Variants in SLC8A1 observed in about 807,000 individuals in gnomAD.
SLC8A1 encodes the protein sodium/calcium exchanger 1.
Under a neutral mutation model 68.3 loss-of-function variants are expected in SLC8A1, and 18 were observed. The observed-to-expected ratio is 0.26, with a 90% CI of 0.18 to 0.39. SLC8A1 has a LOEUF of 0.39. Among genes scored for constraint, SLC8A1 ranks in the 10% least tolerant of loss-of-function variants. The pLI, the probability that SLC8A1 is intolerant of heterozygous loss-of-function variation, is 1.00. For missense variants in SLC8A1, 985 were observed against 1,156.7 expected (o/e 0.85, Z 2.15); for synonymous variants, 475 against 415.5 (o/e 1.14, Z -1.74).
At chr2:40,378,637 C>A (rs1202744202) in intron 2 of SLC8A1, among the ~76,000 whole-genome samples, 4 of 152,046 alleles carry the variant, frequency 2.6e-5, no homozygotes. Context: ...ACAGTTTGTA[C>A]CTTTCCTGTG....
intron 1 of SLC8A1, among the ~76,000 whole-genome samples, chr2:40,432,208 G>T (rs1046572533): frequency 6.6e-6 from 1 of 151,760 alleles, no homozygotes; most frequent in Non-Finnish European, 1.5e-5. Flanking sequence ...TGCTTAATAT[G>T]TATTTTAGAA....
chr2:40,174,822 T>C lies in SLC8A1; in HGVS notation c.1930+3A>G, dbSNP rs1376434494. The stretch of plus-strand genomic sequence containing the variant: ...GATAGCATTAGACTTGAAAAATTCA[T>C]ACCTGTTATTGTGAAGCCACCTAAA... On this transcript the variant is annotated splice_donor_region_variant and intron_variant, in intron 4 of 7. Coordinates refer to ENST00000406785, the Ensembl canonical transcript of SLC8A1. The C allele has an allele frequency of 1.2e-6, 2 of 1,609,392 alleles. No homozygotes were observed. Among genetic ancestry groups the C allele is most frequent in the Non-Finnish European group, 1.7e-6 (2 of 1,176,086 alleles).
chr2:40,102,811 A>G (rs931321258), exon 8 of SLC8A1: 5 of 152,126 alleles, frequency 3.3e-5, no homozygotes, highest in African/African-American at 1.2e-4. Context: ...CAAATCTGAA[A>G]TGGGGGGCAA....
intron 7 of SLC8A1, among the ~76,000 whole-genome samples, chr2:40,118,080 A>G (rs1366691505): frequency 6.6e-6 from 1 of 152,200 alleles, no homozygotes; most frequent in Non-Finnish European, 1.5e-5. Context: ...GCTAGGCACT[A>G]TGCTACACAG....
At chr2:40,155,141 A>G (rs532729067) in intron 6 of SLC8A1, among the ~76,000 whole-genome samples, 2 of 145,524 alleles carry the variant, frequency 1.4e-5, no homozygotes, top group Non-Finnish European at 3.0e-5. Context: ...TATTATTATT[A>G]TTTTTTGAGA....
chr2:40,351,614 A>T (rs1671121571), intron 2 of SLC8A1, among the ~76,000 whole-genome samples: 1 of 151,778 alleles, frequency 6.6e-6, no homozygotes, highest in African/African-American at 2.4e-5. Context: ...GAAAACTCAT[A>T]TTCTAGTTCA....
intron 1 of SLC8A1, among the ~76,000 whole-genome samples, chr2:40,498,611 A>G (rs959064353): frequency 1.3e-5 from 2 of 152,134 alleles, no homozygotes; most frequent in Non-Finnish European, 2.9e-5. Flanking sequence ...GAACAATACA[A>G]TTTAATGTAA....
At chr2:40,398,332 G>C (rs996954982) in intron 2 of SLC8A1, among the ~76,000 whole-genome samples, 2 of 152,044 alleles carry the variant, frequency 1.3e-5, no homozygotes, top group African/African-American at 4.8e-5. Context: ...TTACTAACGC[G>C]TGTATCATAT....
intron 2 of SLC8A1, among the ~76,000 whole-genome samples, chr2:40,338,504 C>A (rs1223952972): frequency 6.6e-6 from 1 of 152,118 alleles, no homozygotes; most frequent in African/African-American, 2.4e-5. Flanking sequence ...CAAGTCAACC[C>A]TCCTGGCCCA....
chr2:40,217,045 T>C (rs1019930577), intron 2 of SLC8A1, among the ~76,000 whole-genome samples: 1 of 152,230 alleles, frequency 6.6e-6, no homozygotes, highest in Non-Finnish European at 1.5e-5. Context: ...GCCATTGCTT[T>C]TGGTGTTTTC....
At chr2:40,160,643 T>C in intron 6 of SLC8A1, 122 bp downstream of exon 9, 3 of 778,958 alleles carry the variant, frequency 3.9e-6, no homozygotes, top group Non-Finnish European at 6.7e-6. Flanking sequence ...ATAAACTTAT[T>C]TCTCCCTTAA....
chr2:40,354,384 A>T (rs200248487), intron 2 of SLC8A1, among the ~76,000 whole-genome samples: 1 of 46,310 alleles, frequency 2.2e-5, no homozygotes, highest in African/African-American at 5.0e-5. Context: ...CTTTACCTTC[A>T]AGTCACACTC....
chr2:40,309,076 AG>A (rs1461067877), intron 2 of SLC8A1, among the ~76,000 whole-genome samples: 3 of 152,204 alleles, frequency 2.0e-5, no homozygotes, highest in African/African-American at 4.8e-5. Flanking sequence ...TGAAAAAAAA[AG>A]CTTCACCAGT....
intron 1 of SLC8A1, among the ~76,000 whole-genome samples, chr2:40,491,656 C>G (rs1705322764): frequency 6.6e-6 from 1 of 152,098 alleles, no homozygotes; most frequent in Non-Finnish European, 1.5e-5. Flanking sequence ...TACGTCCCAT[C>G]AATACCTAAT....
exon 8 of SLC8A1, chr2:40,110,001 A>C (rs1003606339): frequency 1.3e-5 from 2 of 152,214 alleles, no homozygotes; most frequent in African/African-American, 2.4e-5. Flanking sequence ...CACTGATTTA[A>C]ATGTTTCTTA....
chr2:40,196,584 T>C (rs980870244), intron 2 of SLC8A1, among the ~76,000 whole-genome samples: 28 of 152,020 alleles, frequency 1.8e-4, no homozygotes, highest in Admixed American at 1.1e-3. Flanking sequence ...TCTATAGTGC[T>C]GAAAAGCTCC....
exon 2 of SLC8A1, chr2:40,429,938 T>C (rs760596141): frequency 2.5e-6 from 4 of 1,613,514 alleles, no homozygotes; most frequent in East Asian, 2.2e-5. Context: ...GGTTTCTTTA[T>C]GGTTATTTCT....
intron 2 of SLC8A1, among the ~76,000 whole-genome samples, chr2:40,189,435 C>T (rs1298084335): frequency 1.3e-5 from 2 of 152,132 alleles, no homozygotes; most frequent in African/African-American, 4.8e-5. Context: ...ATTCTCCTGC[C>T]TCAACCTCCT....
intron 2 of SLC8A1, among the ~76,000 whole-genome samples, chr2:40,348,242 G>A (rs1279120656): frequency 6.6e-6 from 1 of 152,164 alleles, no homozygotes; most frequent in African/African-American, 2.4e-5. Flanking sequence ...CACAGGGCAA[G>A]TCATTTAATT....
Sources: allele counts gnomAD v4.1 joint callset (sites outside exome capture counted in the v4.1 genomes callset), GRCh38; gene constraint gnomAD v4.1.1; transcripts MANE v1.5; gene names NCBI Gene and HGNC (gene_info 2026-07-23, HGNC 2026-07-21).